FBXL17: variants seen among roughly 807,000 people sequenced by gnomAD.
FBXL17 encodes F-box and leucine rich repeat protein 17, also known as F-box/LRR-repeat protein 17.
Under a neutral mutation model 66.2 loss-of-function variants are expected in FBXL17, and 22 were observed. The ratio of observed to expected loss-of-function variants is 0.33; its 90% CI spans 0.24 to 0.47. The LOEUF (loss-of-function observed/expected upper bound fraction) is 0.47, where lower values mean the gene tolerates loss of function less well. Among genes scored for constraint, FBXL17 ranks in the 20% least tolerant of loss-of-function variants. The pLI, the probability that FBXL17 is intolerant of heterozygous loss-of-function variation, is 1.00. For synonymous variants in FBXL17, 474 were observed against 400.5 expected (o/e 1.18, Z -2.19); for missense variants, 878 against 948.2 (o/e 0.93, Z 0.97).
At chr5:107,926,550 A>T (rs919767) in intron 7 of FBXL17, among the ~76,000 whole-genome samples, 37,931 of 151,000 alleles carry the variant, frequency 0.25, 5,887 homozygotes, top group Admixed American at 0.43. Flanking sequence ...TCTGATGTTT[A>T]ATTTGGTGAT....
chr5:108,380,186 G>C (rs766228079), intron 1 of FBXL17, among the ~76,000 whole-genome samples: 4 of 152,034 alleles, frequency 2.6e-5, no homozygotes, highest in Admixed American at 2.6e-4. Flanking sequence ...GATATTAACA[G>C]TATTTATCTC....
intron 4 of FBXL17, among the ~76,000 whole-genome samples, chr5:108,320,180 C>T (rs572671155): frequency 5.1e-4 from 77 of 151,778 alleles, no homozygotes; most frequent in African/African-American, 1.7e-3. Flanking sequence ...TTTTCTTTTA[C>T]GCCCTTCTTT....
At chr5:107,988,030 C>T (rs1360710263) in intron 7 of FBXL17, among the ~76,000 whole-genome samples, 1 of 151,922 alleles carries the variant, frequency 6.6e-6, no homozygotes, top group Non-Finnish European at 1.5e-5. Context: ...AACGAACACA[C>T]AAAATCTACC....
chr5:108,105,190 A>C (rs1749750074), intron 6 of FBXL17, among the ~76,000 whole-genome samples: 1 of 152,164 alleles, frequency 6.6e-6, no homozygotes, highest in African/African-American at 2.4e-5. Context: ...AATAGCAGTA[A>C]ATAAAAAGGA....
intron 7 of FBXL17, among the ~76,000 whole-genome samples, chr5:107,914,951 T>C (rs575564840): frequency 1.6e-4 from 25 of 152,314 alleles, no homozygotes; most frequent in Non-Finnish European, 1.9e-4. Flanking sequence ...TTTTTACTAA[T>C]TGCAACCAAA....
intron 8 of FBXL17, among the ~76,000 whole-genome samples, chr5:107,873,656 TGATTAA>T (rs1214427239): frequency 6.6e-6 from 1 of 152,162 alleles, no homozygotes; most frequent in Admixed American, 6.5e-5. Context: ...TGAAGTCAGG[TGATTAA>T]GAGTTCTGGG....
intron 6 of FBXL17, among the ~76,000 whole-genome samples, chr5:108,094,487 C>G (rs915984608): frequency 1.3e-5 from 2 of 152,074 alleles, no homozygotes; most frequent in African/African-American, 4.8e-5. Flanking sequence ...TTTCCATATT[C>G]ACATCCATTC....
intron 4 of FBXL17, among the ~76,000 whole-genome samples, chr5:108,245,424 A>T (rs1316404251): frequency 1.3e-5 from 2 of 152,214 alleles, no homozygotes; most frequent in East Asian, 3.8e-4. Flanking sequence ...AACATTTCTT[A>T]CATATTCATG....
At chr5:108,324,308 G>T (rs1459299273) in intron 4 of FBXL17, among the ~76,000 whole-genome samples, 1 of 151,948 alleles carries the variant, frequency 6.6e-6, no homozygotes, top group African/African-American at 2.4e-5. Flanking sequence ...AAATGGCCAA[G>T]AAAAGCACAT....
chr5:108,248,194 G>T (rs900014370), intron 4 of FBXL17, among the ~76,000 whole-genome samples: 21 of 152,224 alleles, frequency 1.4e-4, no homozygotes, highest in African/African-American at 3.4e-4. Flanking sequence ...TCATAAAAAT[G>T]CTTTAACAAT....
At chr5:107,990,501 G>A (rs566175130) in intron 7 of FBXL17, among the ~76,000 whole-genome samples, 15 of 152,136 alleles carry the variant, frequency 9.9e-5, no homozygotes, top group African/African-American at 1.9e-4. Flanking sequence ...CTTAAAAACC[G>A]CATTATTTTG....
intron 4 of FBXL17, among the ~76,000 whole-genome samples, chr5:108,302,305 A>C (rs1447364902): frequency 2.6e-5 from 4 of 151,878 alleles, no homozygotes; most frequent in Non-Finnish European, 1.5e-5. Flanking sequence ...TCTTTCCAAA[A>C]AAAAGGGTGG....
At chr5:108,161,880 G>A (rs1752232670) in intron 6 of FBXL17, among the ~76,000 whole-genome samples, 1 of 152,120 alleles carries the variant, frequency 6.6e-6, no homozygotes, top group Non-Finnish European at 1.5e-5. Flanking sequence ...TACAATGTGT[G>A]AAAATCTAGG....
In FBXL17 at chr5:108,072,963, G is replaced by A. The variant is rs1476155288; in HGVS notation, c.1746-51962C>T. ...GTATATGAGATCATGACCACAAAACGAGTGAAATATATATGCTTATTTTTT... is the reference window on the plus strand; with the variant it reads ...GTATATGAGATCATGACCACAAAACAAGTGAAATATATATGCTTATTTTTT... On this transcript the variant is annotated intron_variant, in intron 6 of 8. Transcript: ENST00000542267. Among the ~76,000 whole-genome samples, 6 of 152,046 alleles carry A rather than the reference G, an allele frequency of 3.9e-5. No individual in the cohort carries two copies. In the South Asian group the frequency reaches 6.2e-4, roughly 16 times the overall value.
At chr5:108,016,093 G>T (rs1754376217) in intron 7 of FBXL17, among the ~76,000 whole-genome samples, 2 of 152,118 alleles carry the variant, frequency 1.3e-5, no homozygotes, top group African/African-American at 4.8e-5. Flanking sequence ...TTTTTATCAT[G>T]TCTGACATAT....
chr5:107,884,396 G>A (rs1748891940), intron 7 of FBXL17, among the ~76,000 whole-genome samples: 1 of 152,130 alleles, frequency 6.6e-6, no homozygotes, highest in African/African-American at 2.4e-5. Context: ...GCAGAACCAG[G>A]GTGCAAATTG....
rs1407542880 is a variant in FBXL17, at chr5:108,070,775, T to G, written c.1746-49774A>C. On this transcript the variant is annotated intron_variant, in intron 6 of 8. Transcript: ENST00000542267. The stretch of plus-strand genomic sequence containing the variant: ...GAGATTAAGATAATTTAAGGCTGAA[T>G]AGTTCGAGAGTGCAGCAGAGCATAA... Among the ~76,000 whole-genome samples, 3 of 152,190 alleles carry G rather than the reference T, an allele frequency of 2.0e-5. 1 individual carries two copies. The South Asian group carries it at 6.2e-4, about 31-fold the overall frequency.
intron 7 of FBXL17, among the ~76,000 whole-genome samples, chr5:107,999,514 A>C (rs1269806007): frequency 6.6e-6 from 1 of 150,926 alleles, no homozygotes; most frequent in African/African-American, 2.4e-5. Flanking sequence ...TTTTAAAGTC[A>C]AATACTACAA....
chr5:108,059,903 C>T (rs961675927), intron 6 of FBXL17, among the ~76,000 whole-genome samples: 8 of 151,356 alleles, frequency 5.3e-5, no homozygotes, highest in Admixed American at 1.3e-4. Context: ...GATTTTAAAG[C>T]GGTTTTTCTA....
Sources: gnomAD v4.1 joint callset for allele counts (sites outside exome capture counted in the v4.1 genomes callset) on GRCh38, gnomAD v4.1.1 for gene constraint, MANE v1.5 for transcripts, NCBI Gene and HGNC (gene_info 2026-07-23, HGNC 2026-07-21) for gene names.